Variants in FGF14 observed in about 807,000 individuals in gnomAD.
The protein encoded by FGF14 is fibroblast growth factor 14, also known as fibroblast growth factor homologous factor 4.
In FGF14, 5 loss-of-function variants were observed where a neutral mutation model predicts 25.5. The observed-to-expected ratio is 0.20, with a 90% confidence interval of 0.10 to 0.41. The LOEUF (loss-of-function observed/expected upper bound fraction) is 0.41, where lower values mean the gene tolerates loss of function less well. Ranked by LOEUF, FGF14 falls within the 10% of genes least tolerant of loss-of-function variation. FGF14 has a pLI of 1.00. For missense variants in FGF14, 222 were observed against 320.1 expected, an observed-to-expected ratio of 0.69 and a Z score of 2.34; for synonymous variants, 138 against 118.3, an observed-to-expected ratio of 1.17 and a Z score of -1.08.
chr13:101,882,459 G>C (rs2045759536), intron 1 of FGF14, among the ~76,000 whole-genome samples: 1 of 151,800 alleles, frequency 6.6e-6, no homozygotes, highest in South Asian at 2.1e-4. Context: ...ATGAAAACAA[G>C]AATTACACCA....
chr13:101,880,907 A>G (rs1365125705), intron 1 of FGF14, among the ~76,000 whole-genome samples: 2 of 152,162 alleles, frequency 1.3e-5, no homozygotes, highest in Non-Finnish European at 2.9e-5. Context: ...TTTATATTGT[A>G]TTTAAGAGTT....
intron 1 of FGF14, among the ~76,000 whole-genome samples, chr13:102,075,188 C>T (rs182829001): frequency 6.6e-6 from 1 of 152,234 alleles, no homozygotes; most frequent in Non-Finnish European, 1.5e-5. Context: ...GAAGACTTCA[C>T]CAGAAAACTG....
Position 101,860,763 on chromosome 13 carries a change from G to A in FGF14, c.408+7962C>T, listed in dbSNP as rs142420822. On this transcript the variant is annotated intron_variant, in intron 3 of 4. Coordinates refer to ENST00000376143, the MANE Select transcript of FGF14 (RefSeq NM_004115.4). ...AGCCCTCAAAATTATGATTCTTGAG[G>A]CATGTTGAAACCACTTAATTGGAGT... Among the ~76,000 whole-genome samples the A allele has an allele frequency of 1.0e-3, 153 of 152,048 alleles. 1 individual carries two copies. Among genetic ancestry groups the A allele is most frequent in the African/African-American group, 3.6e-3 (148 of 41,482 alleles).
intron 1 of FGF14, among the ~76,000 whole-genome samples, chr13:101,980,530 G>T (rs923144572): frequency 1.3e-5 from 2 of 152,140 alleles, no homozygotes; most frequent in Non-Finnish European, 2.9e-5. Context: ...AAGTTGGTTA[G>T]GACAAAATTT....
intron 1 of FGF14, among the ~76,000 whole-genome samples, chr13:102,381,310 T>C (rs553721779): frequency 6.6e-6 from 1 of 152,292 alleles, no homozygotes; most frequent in Admixed American, 6.5e-5. Flanking sequence ...AAAATTAATA[T>C]GTTGAAACCT....
rs143766659 is a variant in FGF14 at position 102,284,083 on chromosome 13, G to T, written c.208+117388C>A. ...AAAGGGTGGGTAATGCAGAAGTGCTGGCACTGGAACTTCAGGCAACACTGT... is the reference window on the plus strand; with the variant it reads ...AAAGGGTGGGTAATGCAGAAGTGCTTGCACTGGAACTTCAGGCAACACTGT... On this transcript the variant is annotated intron_variant, in intron 1 of 4. Transcript: ENST00000376131. 1.1e-3 allele frequency among the ~76,000 whole-genome samples: 172 copies of T among 152,292 alleles called. 2 individuals are homozygous for T. The highest frequency in any genetic ancestry group is 3.9e-3 in the African/African-American group (161 of 41,564).
chr13:102,161,636 A>AGAAGAAGAAGAAGAAG (rs2047718353), intron 1 of FGF14, among the ~76,000 whole-genome samples: 1 of 10,194 alleles, frequency 9.8e-5, no homozygotes, highest in Non-Finnish European at 1.7e-4. Flanking sequence ...AAGAAGAAGA[A>AGAAGAAGAAGAAGAAG]GAAGAAGAAG....
chr13:101,952,905 G>A (rs758132256), intron 1 of FGF14, among the ~76,000 whole-genome samples: 1 of 152,118 alleles, frequency 6.6e-6, no homozygotes, highest in Non-Finnish European at 1.5e-5. Flanking sequence ...ATGGTGGTAG[G>A]CGCCTGTGAT....
chr13:102,019,831 G>A (rs2040540569), intron 1 of FGF14, among the ~76,000 whole-genome samples: 1 of 152,148 alleles, frequency 6.6e-6, no homozygotes, highest in African/African-American at 2.4e-5. Context: ...CTGTTAAAAG[G>A]ATGAGAATTG....
At chr13:102,176,232 C>A (rs2048444207) in intron 1 of FGF14, among the ~76,000 whole-genome samples, 1 of 152,122 alleles carries the variant, frequency 6.6e-6, no homozygotes, top group South Asian at 2.1e-4. Flanking sequence ...AAATACTATG[C>A]AGCCACAAAG....
rs1323398507 is a variant in FGF14, at chr13:101,718,226, A to C, written c.*4605T>G. 6.6e-6 allele frequency: 1 copy of C among 152,032 alleles called. No individual in the cohort carries two copies. Among genetic ancestry groups the C allele is most frequent in the Non-Finnish European group, 1.5e-5 (1 of 67,976 alleles). 9.4% of individuals were successfully genotyped at this position (152,032 alleles called of 1,614,324 possible). A position where few individuals can be genotyped will look rare whatever the true frequency, so the allele number is the denominator to read the frequency against. Reference sequence around the variant, plus strand: ...ATTTCTGTCCACTATGTTTGTGTGTATGTGTGTGTTTGTGTGTGTATGTGT... The same window carrying C: ...ATTTCTGTCCACTATGTTTGTGTGTCTGTGTGTGTTTGTGTGTGTATGTGT... On this transcript the variant is annotated 3_prime_UTR_variant, in exon 5 of 5. Transcript: ENST00000376143.
chr13:102,053,102 GAAA>G (rs144914693), intron 1 of FGF14, among the ~76,000 whole-genome samples: 4,015 of 152,000 alleles, frequency 0.026, 198 homozygotes, highest in African/African-American at 0.092. Flanking sequence ...AAACACTAGA[GAAA>G]AATCACCTAA....
chr13:102,119,696 G>A lies in FGF14; in HGVS notation c.209-244400C>T, dbSNP rs536432034. 9.2e-5 allele frequency among the ~76,000 whole-genome samples: 14 copies of A among 152,284 alleles called. No individual in the cohort carries two copies. In the East Asian group the frequency reaches 2.5e-3, roughly 27 times the overall value. ...ACATAAAAGTATGTTATATATGTAT[G>A]TATGTGCACACACGTGTGTTCCCCT... is the stretch of plus-strand genomic sequence containing the variant. On this transcript the variant is annotated intron_variant, in intron 1 of 4. Coordinates refer to the FGF14 transcript ENST00000376131.
intron 1 of FGF14, among the ~76,000 whole-genome samples, chr13:101,961,768 A>G (rs1161243662): frequency 1.3e-5 from 2 of 152,096 alleles, no homozygotes; most frequent in East Asian, 3.9e-4. Flanking sequence ...GTGAAGAAGG[A>G]TGTGTTTGCT....
intron 1 of FGF14, among the ~76,000 whole-genome samples, chr13:102,043,696 T>C (rs189256239): frequency 1.3e-4 from 20 of 152,254 alleles, no homozygotes; most frequent in Middle Eastern, 6.8e-3. Context: ...GTGAGCCATA[T>C]AAGAAACATG....
chr13:101,870,971 A>C (rs552906658), intron 2 of FGF14, among the ~76,000 whole-genome samples: 15 of 141,682 alleles, frequency 1.1e-4, no homozygotes, highest in Admixed American at 4.6e-4. Flanking sequence ...TAAATAAATA[A>C]ATAAATACAT....
chr13:101,801,671 AAC>A (rs2040878415), intron 3 of FGF14, among the ~76,000 whole-genome samples: 1 of 152,192 alleles, frequency 6.6e-6, no homozygotes, highest in Admixed American at 6.6e-5. Flanking sequence ...ATTAGTTTGA[AAC>A]ACAAGCTCCA....
intron 1 of FGF14, among the ~76,000 whole-genome samples, chr13:101,964,843 A>C (rs772810582): frequency 1.3e-5 from 2 of 152,112 alleles, no homozygotes; most frequent in African/African-American, 4.8e-5. Context: ...ACTTTCCCTG[A>C]TAGAGAAACT....
chr13:101,866,243 CT>C (rs2044699231), intron 3 of FGF14, among the ~76,000 whole-genome samples: 1 of 152,014 alleles, frequency 6.6e-6, no homozygotes, highest in Non-Finnish European at 1.5e-5. Context: ...TAACAATTCC[CT>C]AAAAGTTTTT....
Sources: allele counts gnomAD v4.1 joint callset (sites outside exome capture counted in the v4.1 genomes callset), GRCh38; gene constraint gnomAD v4.1.1; transcripts MANE v1.5; gene names NCBI Gene and HGNC (gene_info 2026-07-23, HGNC 2026-07-21).